The following XXYLT1 variants were observed in gnomAD, a reference collection of about 807,000 sequenced individuals.
The protein encoded by XXYLT1 is xyloside xylosyltransferase 1, also known as UDP-xylose:alpha-xyloside alpha-1,3-xylosyltransferase.
In XXYLT1, 20 loss-of-function variants were observed where a neutral mutation model predicts 28.9. The observed-to-expected ratio is 0.69, with a 90% CI of 0.49 to 1.00. The LOEUF is 1.00. Ranked by LOEUF, XXYLT1 falls within the 50% of genes least tolerant of loss-of-function variation. XXYLT1 has a pLI of 0.00. For missense variants in XXYLT1, 542 were observed against 560.1 expected, an observed-to-expected ratio of 0.97 and a Z score of 0.33; for synonymous variants, 257 against 253.8, an observed-to-expected ratio of 1.01 and a Z score of -0.12.
intron 2 of XXYLT1, among the ~76,000 whole-genome samples, chr3:195,207,175 G>A (rs956243170): frequency 6.6e-6 from 1 of 152,184 alleles, no homozygotes; most frequent in Non-Finnish European, 1.5e-5. Context: ...TCTGAGGAGC[G>A]CCTGGGGCAT....
rs551559422 is a variant in XXYLT1, at chr3:195,171,080, C to T, written c.653-14499G>A. Among the ~76,000 whole-genome samples, 60 of 152,272 alleles carry T rather than the reference C, an allele frequency of 3.9e-4. 1 individual carries two copies. The South Asian group carries it at 0.012, about 30-fold the overall frequency. ...GTGGAAGGTGATGAACTTGCTACTG[C>T]CTAAAGTGATACAGACCATCCAAAC... On this transcript the variant is annotated intron_variant, in intron 2 of 3. Coordinates refer to ENST00000310380, the MANE Select transcript of XXYLT1 (RefSeq NM_152531.5).
intron 3 of XXYLT1, among the ~76,000 whole-genome samples, chr3:195,101,567 G>A (rs1337031029): frequency 6.6e-6 from 1 of 152,152 alleles, no homozygotes; most frequent in Admixed American, 6.5e-5. Flanking sequence ...GATAAAATAT[G>A]GCAGTTATAC....
intron 2 of XXYLT1, chr3:195,184,893 G>A (rs942197188): frequency 1.2e-5 from 10 of 845,088 alleles, no homozygotes; most frequent in African/African-American, 1.8e-5. Context: ...TTTGATCCCC[G>A]CATCATCAAT....
intron 3 of XXYLT1, among the ~76,000 whole-genome samples, chr3:195,101,343 A>G (rs1308327733): frequency 6.6e-6 from 1 of 152,284 alleles, no homozygotes; most frequent in Non-Finnish European, 1.5e-5. Context: ...ACATTAGGAA[A>G]AAACAGAATC....
chr3:195,270,829 G>C lies in XXYLT1; in HGVS notation c.230C>G (p.Ser77Cys), dbSNP rs1217140558. The C allele has an allele frequency of 1.4e-6, 2 of 1,473,320 alleles. No homozygotes were observed. The highest frequency in any genetic ancestry group is 2.6e-5 in the South Asian group (2 of 75,668). The allele number at this position is 1,473,320 out of a possible 1,614,324, so 91.3% of individuals were successfully genotyped here. A position where few individuals can be genotyped will look rare whatever the true frequency, so the allele number is the denominator to read the frequency against. The part of the protein sequence containing the change: ...SPPALELARG[S>C]VAPAPGAKAK... ...CTTCGCGCCGGGGGCTGGCGCCACG[G>C]AGCCCCGCGCTAGCTCCAGCGCGGG... The change falls in exon 1 of 4, where the codon TCC (serine) becomes TGC (cysteine). Residue 77 changes from serine (S) to cysteine (C), a missense_variant. Transcript: ENST00000310380.
In XXYLT1 at chr3:195,259,446, G is replaced by A. The variant is rs1014622783; in HGVS notation, c.504+11109C>T. ...ACGACGGTGTGAGTGGTCCCAGGGC[G>A]AAAGATAAGAGCCCTGGATGGGAAG... On this transcript the variant is annotated intron_variant, in intron 1 of 3. Transcript: ENST00000310380. Among the ~76,000 whole-genome samples, 8 of 152,356 alleles carry A rather than the reference G, an allele frequency of 5.3e-5. No homozygotes were observed. The South Asian group carries it at 8.3e-4, about 16-fold the overall frequency.
rs189172191 is a variant in XXYLT1 at position 195,076,097 on chromosome 3, C to T, written c.786-5986G>A. ...CCGCCTCCTGGAGCCTCTCCCCGCA[C>T]GCTGGAGGCTGCCAGGGCCCTGCTT... is the stretch of plus-strand genomic sequence containing the variant. On this transcript the variant is annotated intron_variant, in intron 3 of 3. Coordinates refer to ENST00000310380, the MANE Select transcript of XXYLT1 (RefSeq NM_152531.5). The surrounding 1 kb of genome is among the most constrained non-coding windows in gnomAD (Gnocchi z 5.3). 8.9e-4 allele frequency among the ~76,000 whole-genome samples: 136 copies of T among 152,350 alleles called. No homozygotes were observed. The highest frequency in any genetic ancestry group is 6.9e-4 in the Non-Finnish European group (47 of 68,034).
At chr3:195,101,799 GA>G (rs967750177) in intron 3 of XXYLT1, among the ~76,000 whole-genome samples, 6 of 107,040 alleles carry the variant, frequency 5.6e-5, no homozygotes, top group South Asian at 3.4e-4. Context: ...TATCTCTATT[GA>G]AAAAAAAAGG....
intron 2 of XXYLT1, among the ~76,000 whole-genome samples, chr3:195,192,407 C>A (rs562169830): frequency 0.048 from 7,188 of 150,002 alleles, 560 homozygotes; most frequent in African/African-American, 0.17. Flanking sequence ...CCTGGGTAAC[C>A]AAGTGAGACT....
intron 3 of XXYLT1, among the ~76,000 whole-genome samples, chr3:195,103,143 G>A (rs777576043): frequency 1.8e-4 from 28 of 152,256 alleles, no homozygotes; most frequent in Non-Finnish European, 5.9e-5. Context: ...AGTCAGTGCT[G>A]TGGGGGGCAG....
At chr3:195,145,493 A>G (rs952584764) in intron 3 of XXYLT1, among the ~76,000 whole-genome samples, 3 of 140,406 alleles carry the variant, frequency 2.1e-5, no homozygotes, top group South Asian at 4.5e-4. Flanking sequence ...TGGGCACCTC[A>G]CTCCACGGTG....
chr3:195,249,748 A>T (rs1725179250), intron 1 of XXYLT1, among the ~76,000 whole-genome samples: 1 of 152,202 alleles, frequency 6.6e-6, no homozygotes, highest in African/African-American at 2.4e-5. Context: ...GCTCACTACA[A>T]ACCCAAGCGC....
At chr3:195,152,878 G>A (rs1720353504) in intron 3 of XXYLT1, 1 of 152,202 alleles carries the variant, frequency 6.6e-6, no homozygotes, top group South Asian at 2.1e-4. Flanking sequence ...GTGCTGTTTT[G>A]TGTTTAAATT....
In XXYLT1 at chr3:195,255,315, C is replaced by T. The variant is rs969413726; in HGVS notation, c.504+15240G>A. ...TGCAGAGCCAGGTGGGAGACAGCAG[C>T]GGGGTTCCCTACCCCACACGGCTCG... is the stretch of plus-strand genomic sequence containing the variant. On this transcript the variant is annotated intron_variant, in intron 1 of 3. Transcript: ENST00000310380. The surrounding 1 kb of genome is among the most constrained non-coding windows in gnomAD (Gnocchi z 4.5). Among the ~76,000 whole-genome samples, 2 of 152,294 alleles carry T rather than the reference C, an allele frequency of 1.3e-5. No homozygotes were observed. Among genetic ancestry groups the T allele is most frequent in the African/African-American group, 2.4e-5 (1 of 41,560 alleles).
chr3:195,141,540 G>A (rs12491662), intron 3 of XXYLT1, among the ~76,000 whole-genome samples: 17,795 of 152,164 alleles, frequency 0.12, 1,164 homozygotes, highest in East Asian at 0.27. Context: ...TAAGACCTCA[G>A]GCTATGGCAG....
intron 3 of XXYLT1, among the ~76,000 whole-genome samples, chr3:195,084,735 G>A (rs1420146268): frequency 1.3e-5 from 2 of 152,092 alleles, no homozygotes; most frequent in Admixed American, 6.5e-5. Context: ...GGACTCCATC[G>A]GCCCCAGAAA....
intron 2 of XXYLT1, among the ~76,000 whole-genome samples, chr3:195,177,781 A>C (rs2108730335): frequency 6.6e-6 from 1 of 152,228 alleles, no homozygotes; most frequent in African/African-American, 2.4e-5. Context: ...TAAAAAAATA[A>C]AAAATAAAAA....
chr3:195,226,584 C>T lies in XXYLT1; in HGVS notation c.652+125G>A, dbSNP rs1045604628. 2.7e-5 allele frequency: 34 copies of T among 1,280,204 alleles called. No individual in the cohort carries two copies. The African/African-American group carries it at 3.7e-4, about 14-fold the overall frequency. The allele number at this position is 1,280,204 out of a possible 1,614,324, so 79.3% of individuals were successfully genotyped here. On this transcript the variant is annotated intron_variant, in intron 2 of 3. Coordinates refer to ENST00000310380, the MANE Select transcript of XXYLT1 (RefSeq NM_152531.5). The stretch of plus-strand genomic sequence containing the variant: ...TACAAAGGGCTTGGTCTGGCTCCCT[C>T]GTCCACTCTTTCATGTTCAGTGGAG...
intron 3 of XXYLT1, among the ~76,000 whole-genome samples, chr3:195,073,574 T>C (rs1048444969): frequency 2.0e-5 from 3 of 152,110 alleles, no homozygotes; most frequent in Admixed American, 1.3e-4. Context: ...CTGTCTTCCA[T>C]AGTCACCTGG....
Sources: gnomAD v4.1 joint callset for allele counts (sites outside exome capture counted in the v4.1 genomes callset) on GRCh38, gnomAD v4.1.1 for gene constraint, Gnocchi (gnomAD v3.1) non-coding constraint, MANE v1.5 for transcripts, NCBI Gene and HGNC (gene_info 2026-07-23, HGNC 2026-07-21) for gene names.